Variants in KIF24 observed in about 807,000 individuals in gnomAD.
KIF24 encodes the protein kinesin family member 24.
KIF24 carries 81 observed loss-of-function variants against 118.9 expected under a neutral mutation model. That is an observed-to-expected ratio of 0.68 (90% CI 0.57 to 0.82). KIF24 has a LOEUF of 0.82. Among genes scored for constraint, KIF24 ranks in the 40% least tolerant of loss-of-function variants. The pLI is 0.00. For missense variants in KIF24, 1,560 were observed against 1,661.6 expected (o/e 0.94, Z 1.06); for synonymous variants, 599 against 610.0 (o/e 0.98, Z 0.27).
chr9:34,314,639 C>A (rs1837278412), intron 1 of KIF24, among the ~76,000 whole-genome samples: 1 of 152,172 alleles, frequency 6.6e-6, no homozygotes, highest in African/African-American at 2.4e-5. Context: ...ATCAAAATTA[C>A]AAATGCAAAT....
At chr9:34,308,414 GC>G (rs775645443) in intron 2 of KIF24, among the ~76,000 whole-genome samples, 14 of 151,762 alleles carry the variant, frequency 9.2e-5, no homozygotes, top group Admixed American at 2.6e-4. Context: ...CTCTAGAATA[GC>G]TGGGACTGCA....
chr9:34,317,449 G>C (rs1348420492), intron 1 of KIF24, among the ~76,000 whole-genome samples: 1 of 151,796 alleles, frequency 6.6e-6, no homozygotes, highest in Non-Finnish European at 1.5e-5. Context: ...TTCAATGTAA[G>C]TTACAGTAGT....
In KIF24 at chr9:34,318,481, C is replaced by A. The variant is rs1587973527; in HGVS notation, c.-25-7110G>T. The A allele has an allele frequency of 2.5e-6, 2 of 808,250 alleles. No individual in the cohort carries two copies. The highest frequency in any genetic ancestry group is 1.4e-5 in the South Asian group (1 of 69,942). 50.1% of individuals were successfully genotyped at this position (808,250 alleles called of 1,614,324 possible). A position where few individuals can be genotyped will look rare whatever the true frequency, so the allele number is the denominator to read the frequency against. On this transcript the variant is annotated intron_variant, in intron 1 of 12. Coordinates refer to ENST00000402558, the MANE Select transcript of KIF24 (RefSeq NM_194313.4). The surrounding 1 kb of genome is among the most constrained non-coding windows in gnomAD (Gnocchi z 4.9). ...CGACCGAGGTGAAGAAACCTGCAGC[C>A]ACAGCAGCTCCTGGCACCGCAGAGA...
chr9:34,321,540 G>A (rs1309664829), intron 1 of KIF24, among the ~76,000 whole-genome samples: 1 of 140,874 alleles, frequency 7.1e-6, no homozygotes, highest in Non-Finnish European at 1.5e-5. Context: ...AACAAAACAG[G>A]CACAGTGATC....
chr9:34,278,761 T>C (rs1219360469), intron 6 of KIF24, among the ~76,000 whole-genome samples: 1 of 152,166 alleles, frequency 6.6e-6, no homozygotes. Flanking sequence ...TTTCTAAATC[T>C]AGGTTCTCTA....
chr9:34,252,599 T>G lies in KIF24; in HGVS notation c.*1781A>C, dbSNP rs1834635318. On this transcript the variant is annotated 3_prime_UTR_variant, in exon 13 of 13. Coordinates refer to ENST00000402558, the MANE Select transcript of KIF24 (RefSeq NM_194313.4). ...GGGGGCCATGTGGTGTATAAAGAGA[T>G]TTCTTGCTTAGATTTGCTGGGGATA... The G allele has an allele frequency of 6.6e-6, 1 of 152,558 alleles. No individual in the cohort carries two copies. Among genetic ancestry groups the G allele is most frequent in the Non-Finnish European group, 1.5e-5 (1 of 68,030 alleles). The allele number at this position is 152,558 out of a possible 1,614,324, so 9.5% of individuals were successfully genotyped here.
intron 3 of KIF24, among the ~76,000 whole-genome samples, chr9:34,301,997 C>CTTTTTTTTTT (rs778142590): frequency 7.3e-6 from 1 of 137,666 alleles, no homozygotes; most frequent in African/African-American, 2.7e-5. Flanking sequence ...ATTTTTTTTT[C>CTTTTTTTTTT]TTTTTTTTTT....
chr9:34,277,731 A>G (rs1047274452), intron 6 of KIF24, among the ~76,000 whole-genome samples: 2 of 152,220 alleles, frequency 1.3e-5, no homozygotes, highest in Admixed American at 6.5e-5. Flanking sequence ...TTCCAATAAC[A>G]GCTTGCTGTA....
intron 1 of KIF24, among the ~76,000 whole-genome samples, chr9:34,327,838 T>TTAAA (rs1554668270): frequency 1.6e-5 from 2 of 122,960 alleles, no homozygotes; most frequent in Admixed American, 8.6e-5. Context: ...TTTTCTCTAA[T>TTAAA]AAAAAAAAAA....
chr9:34,312,434 ATACAG>A (rs1048834511), intron 1 of KIF24, among the ~76,000 whole-genome samples: 1 of 152,202 alleles, frequency 6.6e-6, no homozygotes, highest in African/African-American at 2.4e-5. Context: ...CCAAAAGTAA[ATACAG>A]TACATTTTCT....
rs750118856 is a variant in KIF24, at chr9:34,271,855, C to T, written c.1291G>A (p.Val431Ile). 5.0e-6 allele frequency: 8 copies of T among 1,611,978 alleles called. No individual in the cohort carries two copies. Among genetic ancestry groups the T allele is most frequent in the Admixed American group, 1.7e-5 (1 of 59,724 alleles). The change falls in exon 7 of 13, where the codon GTC (valine) becomes ATC (isoleucine). Residue 431 changes from valine to isoleucine, a missense_variant. Transcript: ENST00000402558. Reference sequence around the variant, plus strand: ...GAATCTTTGATCTGAATTTGGATGACGGCATGGGAGCGGGAGGAGTCTGCA... The same window carrying T: ...GAATCTTTGATCTGAATTTGGATGATGGCATGGGAGCGGGAGGAGTCTGCA... ...VNADSSRSHA[V>I]IQIQIKDSAK...
At chr9:34,299,188 A>AT (rs540553187) in intron 3 of KIF24, among the ~76,000 whole-genome samples, 101 of 151,650 alleles carry the variant, frequency 6.7e-4, no homozygotes, top group African/African-American at 2.3e-3. Flanking sequence ...TTGTTCATTG[A>AT]TTTTTTTTCT....
chr9:34,324,334 A>G (rs1837610120), intron 1 of KIF24, among the ~76,000 whole-genome samples: 1 of 152,224 alleles, frequency 6.6e-6, no homozygotes, highest in South Asian at 2.1e-4. Context: ...AAGGGGGGTG[A>G]AAATACCATT....
intron 4 of KIF24, among the ~76,000 whole-genome samples, chr9:34,293,608 T>C (rs1299251984): frequency 6.6e-6 from 1 of 151,912 alleles, no homozygotes; most frequent in Non-Finnish European, 1.5e-5. Flanking sequence ...CCCCCGTCTC[T>C]ACTAAAAAAT....
chr9:34,295,562 C>T (rs1282634244), intron 4 of KIF24, among the ~76,000 whole-genome samples: 3 of 152,132 alleles, frequency 2.0e-5, no homozygotes. Flanking sequence ...CCTGCAGTCC[C>T]AGCTACTCAG....
chr9:34,304,564 G>T (rs570983521), intron 3 of KIF24, among the ~76,000 whole-genome samples: 8 of 152,302 alleles, frequency 5.3e-5, no homozygotes, highest in Middle Eastern at 3.4e-3. Context: ...CATGGAACTA[G>T]ATAGCATTAC....
intron 6 of KIF24, 107 bp downstream of exon 6, chr9:34,286,510 C>T (rs1836056958): frequency 1.4e-6 from 1 of 724,406 alleles, no homozygotes; most frequent in Non-Finnish European, 2.4e-6. Flanking sequence ...CTTGTCATTG[C>T]CCTTTGCCTA....
rs539743268 is a variant in KIF24 at position 34,292,263 on chromosome 9, G to A, written c.912-1874C>T. On this transcript the variant is annotated intron_variant, in intron 4 of 12. Transcript: ENST00000402558. ...TCAGTGAAAGACTGATCAAAGACTC[G>A]AAAGGATGCAACTGTTTTGTCTTTT... Among the ~76,000 whole-genome samples the A allele has an allele frequency of 1.1e-4, 16 of 152,280 alleles. No homozygotes were observed. In the South Asian group the frequency reaches 2.7e-3, roughly 26 times the overall value.
chr9:34,255,781 G>A lies in KIF24; in HGVS notation c.3826C>T (p.Pro1276Ser), dbSNP rs1261920090. The change falls in exon 11 of 13, where the codon CCC becomes TCC. Residue 1276 changes from proline to serine, a missense_variant. Pro to Ser is a moderately conservative substitution (Grantham distance 74, BLOSUM62 -1). Around this residue, in one of 3 missense-constraint regions of KIF24, gnomAD observed 591 missense variants for 655.6 expected, o/e 0.90. Coordinates refer to ENST00000402558, the MANE Select transcript of KIF24 (RefSeq NM_194313.4). ...PSSPLVPSCS[P>S]KTAGTLRQPT... ...TGACGGAGTGTCCCTGCAGTCTTGG[G>A]AGAGCAGCTGGGAACCAAGGGAGAA... is the stretch of plus-strand genomic sequence containing the variant. The A allele has an allele frequency of 1.9e-6, 3 of 1,613,746 alleles. No homozygotes were observed. Among genetic ancestry groups the A allele is most frequent in the African/African-American group, 2.7e-5 (2 of 74,936 alleles).
Sources: gnomAD v4.1 joint callset for allele counts (sites outside exome capture counted in the v4.1 genomes callset) on GRCh38, gnomAD v4.1.1 for gene constraint, gnomAD v4.1.1 regional missense constraint, Gnocchi (gnomAD v3.1) non-coding constraint, MANE v1.5 for transcripts, NCBI Gene and HGNC (gene_info 2026-07-23, HGNC 2026-07-21) for gene names.